The following RPL10A variants were observed in gnomAD, a reference collection of about 807,000 sequenced individuals.
The protein encoded by RPL10A is large ribosomal subunit protein uL1.
RPL10A carries 11 observed loss-of-function variants against 24.6 expected under a neutral mutation model. The observed-to-expected ratio is 0.45, with a 90% confidence interval of 0.28 to 0.74. RPL10A has a LOEUF of 0.74. Among genes scored for constraint, RPL10A ranks in the 30% least tolerant of loss-of-function variants. The probability of loss-of-function intolerance (pLI) is 0.13; values close to 1 mark genes in which losing one functional copy is unlikely to be tolerated. For synonymous variants in RPL10A, 98 were observed against 108.5 expected, an observed-to-expected ratio of 0.90 and a Z score of 0.60; for missense variants, 136 against 273.1, an observed-to-expected ratio of 0.50 and a Z score of 3.54.
chr6:35,468,471 C>T (rs1165921008), intron 1 of RPL10A, 32 bp downstream of exon 1: 5 of 1,613,882 alleles, frequency 3.1e-6, no homozygotes, highest in Admixed American at 3.3e-5. Context: ...TATCCGCGTT[C>T]ATCCGCGCCT....
intron 1 of RPL10A, 73 bp downstream of exon 1, chr6:35,468,512 T>C (rs536027745): frequency 4.2e-5 from 67 of 1,610,200 alleles, no homozygotes; most frequent in Non-Finnish European, 5.4e-5. Flanking sequence ...TCGGATCCTG[T>C]AGGCCGCGCC....
chr6:35,468,788 C>T lies in RPL10A; in HGVS notation c.6-11C>T, dbSNP rs960647694. ...CGCGGCCCTGAGCGCCCTGTCGCTT[C>T]TCTCCCGCAGCAGCAAAGTCTCTCG... On this transcript the variant is annotated splice_polypyrimidine_tract_variant and intron_variant, in intron 1 of 5. Transcript: ENST00000322203. 8.8e-6 allele frequency: 14 copies of T among 1,585,344 alleles called. No homozygotes were observed. The Admixed American group carries it at 1.8e-4, about 20-fold the overall frequency.
chr6:35,468,878 G>A lies in RPL10A; in HGVS notation c.80+5G>A. 1 of 1,613,034 alleles carries A rather than the reference G, an allele frequency of 6.2e-7. No individual in the cohort carries two copies. The highest frequency in any genetic ancestry group is 8.5e-7 in the Non-Finnish European group (1 of 1,179,564). On this transcript the variant is annotated splice_donor_5th_base_variant and intron_variant, in intron 2 of 5. Transcript: ENST00000322203. ...GAACCAGCGCAAGCGCCGCAAGTGA[G>A]TGCCGACCCTGGGGCACGGCGCGGG...
At chr6:35,469,070 G>T (rs964893929) in intron 3 of RPL10A, 43 bp downstream of exon 3, 2 of 1,606,670 alleles carry the variant, frequency 1.2e-6, no homozygotes, top group Admixed American at 3.4e-5. Flanking sequence ...GTGCCCCCGT[G>T]CTTGCCCCTC....
chr6:35,469,644 C>G, intron 4 of RPL10A, 115 bp downstream of exon 4: 1 of 1,237,002 alleles, frequency 8.1e-7, no homozygotes, highest in African/African-American at 1.5e-5. Context: ...AAAGGATCGG[C>G]GGTGGTTGCC....
At chr6:35,469,628 A>G in intron 4 of RPL10A, 99 bp downstream of exon 4, 1 of 1,360,096 alleles carries the variant, frequency 7.4e-7, no homozygotes, top group Non-Finnish European at 9.9e-7. Flanking sequence ...AGGGGCCTAG[A>G]ATAGCAAAGG....
At position 35,469,470 on chromosome 6, in the gene RPL10A, A is replaced by G; in HGVS notation, c.251A>G (p.His84Arg). 2.5e-6 allele frequency: 4 copies of G among 1,614,000 alleles called. No homozygotes were observed. Among genetic ancestry groups the G allele is most frequent in the Non-Finnish European group, 3.4e-6 (4 of 1,179,974 alleles). Residue 84 changes from histidine (H) to arginine (R), a missense_variant, in exon 4 of 6, where the codon CAC becomes CGC. Transcript: ENST00000322203. ...CDEAKAVDIPHMDIEALKKLN... is the reference protein window; with the variant it reads ...CDEAKAVDIPRMDIEALKKLN... ...GAGGCTAAGGCCGTGGATATCCCCCACATGGACATCGAGGCGCTGAAAAAA... is the reference window on the plus strand; with the variant it reads ...GAGGCTAAGGCCGTGGATATCCCCCGCATGGACATCGAGGCGCTGAAAAAA...
At chr6:35,469,075 C>T in intron 3 of RPL10A, 48 bp downstream of exon 3, 3 of 1,604,762 alleles carry the variant, frequency 1.9e-6, no homozygotes, top group East Asian at 2.2e-5. Context: ...CCCGTGCTTG[C>T]CCCTCCCCTG....
Position 35,470,753 on chromosome 6 carries a change from C to G in RPL10A, c.*3C>G. 6.3e-7 allele frequency: 1 copy of G among 1,599,982 alleles called. No homozygotes were observed. The highest frequency in any genetic ancestry group is 1.1e-5 in the South Asian group (1 of 90,970). ...GCAAGCCCCAGCGCCTATATTAAGG[C>G]ACATTTGAATAAATTCTATTACCAG... On this transcript the variant is annotated 3_prime_UTR_variant, in exon 6 of 6. Transcript: ENST00000322203. This position sits in a 1 kb window ranked among gnomAD's most constrained non-coding sequence, Gnocchi z 4.6.
At chr6:35,469,121 A>T (rs1767962806) in intron 3 of RPL10A, 94 bp downstream of exon 3, 1 of 1,566,386 alleles carries the variant, frequency 6.4e-7, no homozygotes, top group Non-Finnish European at 8.6e-7. Flanking sequence ...GCACGTCGGT[A>T]CTGATGTGCT....
At chr6:35,469,674 T>C (rs41271261) in intron 4 of RPL10A, 145 bp downstream of exon 4, 41,112 of 961,756 alleles carry the variant, frequency 0.043, 2,864 homozygotes, top group African/African-American at 0.23. Flanking sequence ...TGAGTGCTGT[T>C]TTAGCTTTGG....
chr6:35,470,079 C>A lies in RPL10A; in HGVS notation c.311-100C>A. ...TAGAGAGGGTGCTGCTTGGAGGTCA[C>A]TTACATGATTGATTCAAGTGCGTTT... On this transcript the variant is annotated intron_variant, in intron 4 of 5. Transcript: ENST00000322203. The surrounding 1 kb of genome is among the most constrained non-coding windows in gnomAD (Gnocchi z 4.6). 1 of 1,134,386 alleles carries A rather than the reference C, an allele frequency of 8.8e-7. No individual in the cohort carries two copies. Among genetic ancestry groups the A allele is most frequent in the Non-Finnish European group, 1.3e-6 (1 of 785,424 alleles). 70.3% of individuals were successfully genotyped at this position (1,134,386 alleles called of 1,614,324 possible). A position where few individuals can be genotyped will look rare whatever the true frequency, so the allele number is the denominator to read the frequency against.
chr6:35,468,839 G>A lies in RPL10A; in HGVS notation c.46G>A (p.Glu16Lys). 6.2e-7 allele frequency: 1 copy of A among 1,611,570 alleles called. No homozygotes were observed. The change falls in exon 2 of 6, where the codon GAA (glutamate) becomes AAA (lysine). Residue 16 changes from glutamate (E) to lysine (K), a missense_variant. Glu to Lys is a moderately conservative substitution (Grantham distance 56). Transcript: ENST00000322203. ...SRDTLYEAVR[E>K]VLHGNQRKRR... The stretch of plus-strand genomic sequence containing the variant: ...CGACACCCTGTACGAGGCGGTGCGG[G>A]AAGTCCTGCACGGGAACCAGCGCAA...
At position 35,470,097 on chromosome 6, in the gene RPL10A, G is replaced by A. The variant is rs1767996073; in HGVS notation, c.311-82G>A. Reference sequence around the variant, plus strand: ...GAGGTCACTTACATGATTGATTCAAGTGCGTTTCTGGCCTGCCACATTTGA... The same window carrying A: ...GAGGTCACTTACATGATTGATTCAAATGCGTTTCTGGCCTGCCACATTTGA... On this transcript the variant is annotated intron_variant, in intron 4 of 5. Coordinates refer to ENST00000322203, the MANE Select transcript of RPL10A (RefSeq NM_007104.5). This position sits in a 1 kb window ranked among gnomAD's most constrained non-coding sequence, Gnocchi z 4.6. 7.6e-7 allele frequency: 1 copy of A among 1,316,618 alleles called. No homozygotes were observed. Among genetic ancestry groups the A allele is most frequent in the South Asian group, 1.4e-5 (1 of 73,902 alleles). The allele number at this position is 1,316,618 out of a possible 1,614,324, so 81.6% of individuals were successfully genotyped here.
chr6:35,468,461 T>G, intron 1 of RPL10A, 22 bp downstream of exon 1: 1 of 1,613,938 alleles, frequency 6.2e-7, no homozygotes, highest in Non-Finnish European at 8.5e-7. Context: ...CTGAAAGCCC[T>G]ATCCGCGTTC....
intron 1 of RPL10A, 123 bp downstream of exon 1, chr6:35,468,562 A>G (rs1166994230): frequency 1.2e-5 from 19 of 1,598,874 alleles, no homozygotes; most frequent in Non-Finnish European, 1.5e-5. Context: ...GCATTTCTCA[A>G]GGCGGGTCGG....
rs1430709922 is a variant in RPL10A, at chr6:35,470,525, G to A, written c.484-55G>A. 4.5e-6 allele frequency: 7 copies of A among 1,561,938 alleles called. No homozygotes were observed. Among genetic ancestry groups the A allele is most frequent in the African/African-American group, 4.1e-5 (3 of 73,964 alleles). On this transcript the variant is annotated intron_variant, in intron 5 of 5. Transcript: ENST00000322203. This position sits in a 1 kb window ranked among gnomAD's most constrained non-coding sequence, Gnocchi z 4.6. ...CCAGGCCACTGGGGGAGGAAGGACAGGCCATCTGCTATTCGTCCACCAACC... is the reference window on the plus strand; with the variant it reads ...CCAGGCCACTGGGGGAGGAAGGACAAGCCATCTGCTATTCGTCCACCAACC...
rs146589879 is a variant in RPL10A, at chr6:35,470,610, G to A, written c.514G>A (p.Val172Met). 34 of 1,613,816 alleles carry A rather than the reference G, an allele frequency of 2.1e-5. No individual in the cohort carries two copies. In the African/African-American group the frequency reaches 2.3e-4, roughly 11 times the overall value. Residue 172 changes from valine to methionine, a missense_variant, in exon 6 of 6, where the codon GTG (valine) becomes ATG (methionine). Val to Met is a conservative substitution (Grantham distance 21). Coordinates refer to ENST00000322203, the MANE Select transcript of RPL10A (RefSeq NM_007104.5). This position sits in a 1 kb window ranked among gnomAD's most constrained non-coding sequence, Gnocchi z 4.6. ...VLCLAVAVGH[V>M]KMTDDELVYN... ...ATGTCTGGCTGTAGCTGTTGGTCAC[G>A]TGAAGATGACAGACGATGAGCTTGT...
chr6:35,468,668 G>A (rs1767920555), intron 1 of RPL10A, 131 bp from the exon 2 acceptor site: 15 of 1,517,236 alleles, frequency 9.9e-6, no homozygotes, highest in Non-Finnish European at 1.3e-5. Flanking sequence ...GCTCTACTTG[G>A]TGTCCGGAAT....
Sources: gnomAD v4.1 joint callset for allele counts on GRCh38, gnomAD v4.1.1 for gene constraint, Gnocchi (gnomAD v3.1) non-coding constraint, MANE v1.5 for transcripts, NCBI Gene and HGNC (gene_info 2026-07-23, HGNC 2026-07-21) for gene names.